Variants in RBM41 observed in about 807,000 individuals in gnomAD.
The protein encoded by RBM41 is RNA binding motif protein 41, also known as RNA-binding protein 41.
Under a neutral mutation model 30.8 loss-of-function variants are expected in RBM41, and 14 were observed. The ratio of observed to expected loss-of-function variants is 0.45; its 90% confidence interval spans 0.30 to 0.71. The LOEUF is 0.71. RBM41 is among the 30% of genes least tolerant of loss of function. The pLI, the probability that RBM41 is intolerant of heterozygous loss-of-function variation, is 0.08. For synonymous variants in RBM41, 120 were observed against 110.1 expected, an observed-to-expected ratio of 1.09 and a Z score of -0.56; for missense variants, 276 against 326.3, an observed-to-expected ratio of 0.85 and a Z score of 1.19.
At chrX:107,080,879 A>G (rs759219072) in intron 6 of RBM41, among the ~76,000 whole-genome samples, 1 of 111,661 alleles carries the variant, frequency 9.0e-6, no homozygotes, top group South Asian at 3.7e-4. Flanking sequence ...GTTTTTTAAT[A>G]CTGTTGAATT....
At chrX:107,084,814 T>C (rs894774353) in intron 6 of RBM41, among the ~76,000 whole-genome samples, 4 of 112,290 alleles carry the variant, frequency 3.6e-5, no homozygotes, top group African/African-American at 9.7e-5. Flanking sequence ...AAGTCATTGA[T>C]TTTTAGTTTG....
At chrX:107,056,880 C>T in the RBM41 span, among the ~76,000 whole-genome samples, 22 of 82,212 alleles carry the variant, frequency 2.7e-4, no homozygotes, top group African/African-American at 1.0e-3. Context: ...TAACTATTAT[C>T]TTTTTTTTTT....
chrX:107,061,565 A>G (rs1400897622), downstream of RBM41, among the ~76,000 whole-genome samples: 2 of 111,399 alleles, frequency 1.8e-5, no homozygotes, highest in Admixed American at 9.6e-5. Context: ...TTGTCCTTTG[A>G]TTTTTTAAAA....
At chrX:107,088,965 G>A in intron 5 of RBM41, 126 bp from the exon 6 acceptor site, 1 of 916,347 alleles carries the variant, frequency 1.1e-6, no homozygotes, top group East Asian at 3.2e-5. Context: ...TTTACAACCT[G>A]TGACAAATGA....
chrX:107,088,603 C>T lies in RBM41; in HGVS notation c.832G>A (p.Ala278Thr), dbSNP rs776722137. Residue 278 changes from alanine (A) to threonine (T), a missense_variant, in exon 6 of 8, where the codon GCA becomes ACA. Physicochemically the swap from Ala to Thr is moderately conservative, Grantham distance 58. Coordinates refer to ENST00000685964, the MANE Select transcript of RBM41 (RefSeq NM_001324242.2). ...AQGKGPSLHVANVIDFSPEQC... is the reference protein window; with the variant it reads ...AQGKGPSLHVTNVIDFSPEQC... ...TCAGGTGAAAAATCAATAACATTTG[C>T]CACATGGAGACTGGGGCCTTTACCC... The T allele has an allele frequency of 1.7e-5, 20 of 1,211,367 alleles. No homozygotes were observed. The South Asian group carries it at 3.3e-4, about 20-fold the overall frequency.
intron 6 of RBM41, among the ~76,000 whole-genome samples, chrX:107,082,649 A>G (rs1241337942): frequency 9.0e-6 from 1 of 110,976 alleles, no homozygotes; most frequent in African/African-American, 3.3e-5. Flanking sequence ...TTCCATTTTC[A>G]CCCTTCTCTT....
intron 5 of RBM41, among the ~76,000 whole-genome samples, chrX:107,097,021 G>A (rs1276614033): frequency 9.8e-5 from 11 of 112,107 alleles, no homozygotes; most frequent in African/African-American, 3.2e-4. Flanking sequence ...ACTGCAATGA[G>A]CTATCAGTAC....
At chrX:107,103,850 T>C (rs1003419167) in intron 5 of RBM41, among the ~76,000 whole-genome samples, 1 of 111,505 alleles carries the variant, frequency 9.0e-6, no homozygotes, top group African/African-American at 3.3e-5. Context: ...GGATGGGAAT[T>C]ACTGGAAAGA....
chrX:107,105,744 C>T (rs1404908441), intron 5 of RBM41, among the ~76,000 whole-genome samples: 1 of 111,543 alleles, frequency 9.0e-6, no homozygotes, highest in African/African-American at 3.3e-5. Flanking sequence ...CTTTGACAAA[C>T]CTGACAAAAA....
intron 5 of RBM41, among the ~76,000 whole-genome samples, chrX:107,106,189 G>A (rs1285548): frequency 5.4e-5 from 6 of 110,613 alleles, no homozygotes; most frequent in African/African-American, 1.3e-4. Context: ...ACAAACAACC[G>A]CATCAAAAAG....
At chrX:107,087,244 T>C (rs1001135398) in intron 6 of RBM41, among the ~76,000 whole-genome samples, 6 of 111,940 alleles carry the variant, frequency 5.4e-5, no homozygotes, top group Non-Finnish European at 1.1e-4. Flanking sequence ...TATTATTCTA[T>C]ATAACTTTTG....
chrX:107,075,040 T>C (rs1343248957), intron 6 of RBM41, among the ~76,000 whole-genome samples: 4 of 111,961 alleles, frequency 3.6e-5, no homozygotes, highest in Admixed American at 9.5e-5. Context: ...CAAAACAGTA[T>C]GGTACTGGCA....
intron 5 of RBM41, among the ~76,000 whole-genome samples, chrX:107,112,113 G>GA (rs1164255106): frequency 9.0e-6 from 1 of 111,489 alleles, no homozygotes; most frequent in Non-Finnish European, 1.9e-5. Context: ...TACAGACTGG[G>GA]AAAAAATGTG....
In RBM41 at chrX:107,065,659, C is replaced by T. The variant is rs764112122; in HGVS notation, c.*1868G>A. The T allele has an allele frequency of 6.7e-5, 61 of 903,911 alleles. No homozygotes were observed. The African/African-American group carries it at 9.2e-4, about 14-fold the overall frequency. The allele number at this position is 903,911 out of a possible 1,213,427, so 74.5% of individuals were successfully genotyped here. A position where few individuals can be genotyped will look rare whatever the true frequency, so the allele number is the denominator to read the frequency against. On this transcript the variant is annotated 3_prime_UTR_variant, in exon 8 of 8. Transcript: ENST00000685964. Reference sequence around the variant, plus strand: ...AGTTTTTTTATATTAAACTTATTTCCTATTTCACGTTCTCTCCATTTGTTC... The same window carrying T: ...AGTTTTTTTATATTAAACTTATTTCTTATTTCACGTTCTCTCCATTTGTTC...
chrX:107,081,756 C>T (rs1291510212), intron 6 of RBM41, among the ~76,000 whole-genome samples: 1 of 111,743 alleles, frequency 8.9e-6, no homozygotes. Context: ...GTATTTCATT[C>T]TTTTTTGGTG....
chrX:107,055,532 C>T, the RBM41 span, among the ~76,000 whole-genome samples: 1 of 111,959 alleles, frequency 8.9e-6, no homozygotes, highest in East Asian at 2.8e-4. Flanking sequence ...CATCGTGTTA[C>T]TCAGGATGGT....
the RBM41 span, among the ~76,000 whole-genome samples, chrX:107,055,875 A>T: frequency 6.4e-3 from 721 of 112,280 alleles, 6 homozygotes; most frequent in African/African-American, 0.022. Flanking sequence ...ATCTAAGAAC[A>T]CAAAGATTTA....
At chrX:107,085,111 A>T (rs1160121148) in intron 6 of RBM41, among the ~76,000 whole-genome samples, 2 of 111,540 alleles carry the variant, frequency 1.8e-5, no homozygotes. Context: ...TCTAGGATAG[A>T]TAATGAAGAG....
intron 5 of RBM41, among the ~76,000 whole-genome samples, chrX:107,107,330 A>G (rs1175536026): frequency 8.9e-6 from 1 of 112,058 alleles, no homozygotes; most frequent in Non-Finnish European, 1.9e-5. Context: ...AAGTTAGCAG[A>G]GCATGAAGCA....
Sources: gnomAD v4.1 joint callset for allele counts (sites outside exome capture counted in the v4.1 genomes callset) on GRCh38, gnomAD v4.1.1 for gene constraint, MANE v1.5 for transcripts, NCBI Gene and HGNC (gene_info 2026-07-23, HGNC 2026-07-21) for gene names.